The following RASGRP1 variants were observed in gnomAD, a reference collection of about 807,000 sequenced individuals.
The protein encoded by RASGRP1 is RAS guanyl releasing protein 1, also known as RAS guanyl-releasing protein 1.
A neutral mutation model predicts 95.1 loss-of-function variants in RASGRP1; 37 were observed. The ratio of observed to expected loss-of-function variants is 0.39; its 90% CI spans 0.30 to 0.51. The LOEUF (loss-of-function observed/expected upper bound fraction) is 0.51. RASGRP1 is among the 20% of genes least tolerant of loss of function. RASGRP1 has a pLI of 0.80. For synonymous variants in RASGRP1, 325 were observed against 353.4 expected (o/e 0.92, Z 0.90); for missense variants, 711 against 965.4 (o/e 0.74, Z 3.49).
At chr15:38,537,017 A>C (rs1892676366) in intron 2 of RASGRP1, among the ~76,000 whole-genome samples, 1 of 152,112 alleles carries the variant, frequency 6.6e-6, no homozygotes, top group South Asian at 2.1e-4. Context: ...CTCTTGCTAG[A>C]TTTAAGCACT....
intron 2 of RASGRP1, among the ~76,000 whole-genome samples, chr15:38,544,375 A>C (rs1213583312): frequency 6.6e-6 from 1 of 152,198 alleles, no homozygotes; most frequent in Non-Finnish European, 1.5e-5. Flanking sequence ...CCCTGAACAC[A>C]AACTGTTCTC....
At position 38,501,499 on chromosome 15, in the gene RASGRP1, A is replaced by G. The variant is rs1891020954; in HGVS notation, c.1539-212T>C. 6 of 707,376 alleles carry G rather than the reference A, an allele frequency of 8.5e-6. No individual in the cohort carries two copies. The East Asian group carries it at 1.7e-4, about 20-fold the overall frequency. The allele number at this position is 707,376 out of a possible 1,614,324, so 43.8% of individuals were successfully genotyped here. A position where few individuals can be genotyped will look rare whatever the true frequency, so the allele number is the denominator to read the frequency against. On this transcript the variant is annotated intron_variant, in intron 12 of 16. Coordinates refer to ENST00000310803, the MANE Select transcript of RASGRP1 (RefSeq NM_005739.4). ...AGGTAAGGCAGCATTACTCATTTCCACAGAGGTGTTCTTTGGCCAAACTAG... is the reference window on the plus strand; with the variant it reads ...AGGTAAGGCAGCATTACTCATTTCCGCAGAGGTGTTCTTTGGCCAAACTAG...
chr15:38,516,136 TATC>T, intron 6 of RASGRP1, 58 bp downstream of exon 6: 2 of 1,510,186 alleles, frequency 1.3e-6, no homozygotes, highest in South Asian at 2.3e-5. Flanking sequence ...GCTGTTGAAT[TATC>T]ATCTTATTTT....
chr15:38,523,434 A>G (rs1892074068), intron 3 of RASGRP1, among the ~76,000 whole-genome samples: 1 of 152,208 alleles, frequency 6.6e-6, no homozygotes, highest in Non-Finnish European at 1.5e-5. Context: ...TAAAGAAAAT[A>G]TTTTTACACA....
intron 2 of RASGRP1, among the ~76,000 whole-genome samples, chr15:38,545,441 T>C (rs1461390650): frequency 6.6e-6 from 1 of 152,104 alleles, no homozygotes; most frequent in African/African-American, 2.4e-5. Context: ...TAGAGAGAAA[T>C]GCTGGATTAT....
In RASGRP1 at chr15:38,503,075, A is replaced by G. The variant is rs192690548; in HGVS notation, c.1428+197T>C. On this transcript the variant is annotated intron_variant, in intron 11 of 16. Transcript: ENST00000310803. Reference sequence around the variant, plus strand: ...TGCTAGGTCTTGAAGAGGAGGCACAACTGCCTTCATATGAGTCCAGTGTGT... The same window carrying G: ...TGCTAGGTCTTGAAGAGGAGGCACAGCTGCCTTCATATGAGTCCAGTGTGT... 1.8e-3 allele frequency: 1,084 copies of G among 589,010 alleles called. 2 individuals carry two copies. Among genetic ancestry groups the G allele is most frequent in the Non-Finnish European group, 2.8e-3 (933 of 331,564 alleles). The allele number at this position is 589,010 out of a possible 1,614,324, so 36.5% of individuals were successfully genotyped here. A position where few individuals can be genotyped will look rare whatever the true frequency, so the allele number is the denominator to read the frequency against.
chr15:38,544,727 A>C (rs1893042976), intron 2 of RASGRP1, among the ~76,000 whole-genome samples: 1 of 152,264 alleles, frequency 6.6e-6, no homozygotes, highest in Admixed American at 6.5e-5. Flanking sequence ...GCAGCAGCAG[A>C]AAACGAACTA....
At position 38,507,946 on chromosome 15, in the gene RASGRP1, C is replaced by T. The variant is rs539860819; in HGVS notation, c.1022G>A (p.Arg341Gln). Residue 341 changes from arginine (R) to glutamine (Q), a missense_variant, in exon 9 of 17, where the codon CGG (arginine) becomes CAG (glutamine). Coordinates refer to ENST00000310803, the MANE Select transcript of RASGRP1 (RefSeq NM_005739.4). ...LSSSRNYDNY[R>Q]RAYGECTDFK... ...GTCGGTGCACTCTCCATAGGCTCGC[C>T]GGTAATTGTCGTAGTTTCTGGAGGA... The T allele has an allele frequency of 1.9e-6, 3 of 1,611,234 alleles. No homozygotes were observed. The highest frequency in any genetic ancestry group is 1.1e-5 in the South Asian group (1 of 90,140).
At chr15:38,543,742 G>A (rs990392027) in intron 2 of RASGRP1, among the ~76,000 whole-genome samples, 8 of 148,142 alleles carry the variant, frequency 5.4e-5, no homozygotes, top group African/African-American at 1.5e-4. Flanking sequence ...ATTCCATTTG[G>A]TTCCTTTAAT....
chr15:38,532,955 C>CAG (rs1892504700), intron 2 of RASGRP1, among the ~76,000 whole-genome samples: 2 of 151,960 alleles, frequency 1.3e-5, no homozygotes, highest in African/African-American at 4.8e-5. Context: ...GAGGTGGGGG[C>CAG]CAGCTTTCCT....
chr15:38,542,904 TAC>T (rs1413825415), intron 2 of RASGRP1, among the ~76,000 whole-genome samples: 99 of 141,322 alleles, frequency 7.0e-4, no homozygotes, highest in Middle Eastern at 3.9e-3. Flanking sequence ...TGTATATATA[TAC>T]ACATATATAT....
chr15:38,515,778 A>ACCCC (rs572642236), intron 6 of RASGRP1, among the ~76,000 whole-genome samples: 7 of 98,360 alleles, frequency 7.1e-5, no homozygotes, highest in Non-Finnish European at 1.3e-4. Context: ...CCGCCCCCGC[A>ACCCC]CCCCCCCCCC....
chr15:38,495,017 G>A (rs1890741610), intron 15 of RASGRP1, among the ~76,000 whole-genome samples: 1 of 152,314 alleles, frequency 6.6e-6, no homozygotes, highest in South Asian at 2.1e-4. Context: ...AGGTTGCTTA[G>A]AGGGTTTCTG....
chr15:38,502,471 T>G, intron 11 of RASGRP1, 50 bp from the exon 12 acceptor site: 1 of 1,173,742 alleles, frequency 8.5e-7, no homozygotes, highest in Non-Finnish European at 1.2e-6. Flanking sequence ...ACCGGTCTTC[T>G]CTCCCTTTAG....
chr15:38,562,998 C>CA (rs545488642), intron 1 of RASGRP1, among the ~76,000 whole-genome samples: 61 of 152,254 alleles, frequency 4.0e-4, no homozygotes, highest in African/African-American at 1.3e-3. Context: ...CAGAGAGACT[C>CA]AGAGGACTAG....
chr15:38,524,114 C>T (rs116101311), intron 3 of RASGRP1: 3,748 of 152,162 alleles, frequency 0.025, 62 homozygotes, highest in Middle Eastern at 0.034. Context: ...GGCTGGGTGC[C>T]GTGGCTCATG....
At chr15:38,561,699 G>A (rs796414280) in intron 1 of RASGRP1, among the ~76,000 whole-genome samples, 9 of 152,282 alleles carry the variant, frequency 5.9e-5, no homozygotes, top group African/African-American at 1.9e-4. Context: ...TGCAGTGGCC[G>A]CTCGGCTCTA....
intron 3 of RASGRP1, among the ~76,000 whole-genome samples, chr15:38,525,359 A>C (rs1892175674): frequency 6.6e-6 from 1 of 152,174 alleles, no homozygotes; most frequent in African/African-American, 2.4e-5. Context: ...CTGGTACATG[A>C]AATTAATAAA....
chr15:38,507,575 T>C (rs1891312464), intron 9 of RASGRP1, 151 bp downstream of exon 9: 2 of 932,446 alleles, frequency 2.1e-6, no homozygotes, highest in Middle Eastern at 3.4e-4. Context: ...ATCTTTGTGC[T>C]TTAGTATCCC....
Sources: gnomAD v4.1 joint callset for allele counts (sites outside exome capture counted in the v4.1 genomes callset) on GRCh38, gnomAD v4.1.1 for gene constraint, MANE v1.5 for transcripts, NCBI Gene and HGNC (gene_info 2026-07-23, HGNC 2026-07-21) for gene names.